Variants in ZNF112 observed in about 807,000 individuals in gnomAD.
The protein encoded by ZNF112 is zinc finger protein 112 (Y14).
Under a neutral mutation model 77.7 loss-of-function variants are expected in ZNF112, and 37 were observed. That is an observed-to-expected ratio of 0.48 (90% CI 0.37 to 0.63). The LOEUF is 0.63. Among genes scored for constraint, ZNF112 ranks in the 20% least tolerant of loss-of-function variants. The pLI, the probability that ZNF112 is intolerant of heterozygous loss-of-function variation, is 0.00. For synonymous variants in ZNF112, 333 were observed against 363.6 expected (o/e 0.92, Z 0.96); for missense variants, 950 against 1,077.4 (o/e 0.88, Z 1.66).
At chr19:44,347,346 T>A (rs1471050763) in intron 1 of ZNF112, among the ~76,000 whole-genome samples, 2 of 152,108 alleles carry the variant, frequency 1.3e-5, no homozygotes, top group Non-Finnish European at 2.9e-5. Context: ...ATATTTTAAT[T>A]GATGTATTCA....
chr19:44,359,624 C>T (rs59686367), upstream of ZNF112, among the ~76,000 whole-genome samples: 447 of 152,202 alleles, frequency 2.9e-3, no homozygotes, highest in African/African-American at 0.01. Flanking sequence ...ATGTGGCCTA[C>T]AGTTCTTTTT....
chr19:44,357,639 C>T (rs1308173896), upstream of ZNF112, among the ~76,000 whole-genome samples: 3 of 152,174 alleles, frequency 2.0e-5, no homozygotes, highest in Admixed American at 2.0e-4. Context: ...CACGTTTCCT[C>T]TGCTTTAACT....
At chr19:44,335,399 G>A (rs933775642) in intron 3 of ZNF112, among the ~76,000 whole-genome samples, 10 of 152,046 alleles carry the variant, frequency 6.6e-5, no homozygotes, top group East Asian at 1.9e-4. Context: ...CCAAGGTAAC[G>A]GCAAAGAAGA....
chr19:44,333,288 T>C (rs1030240754), intron 3 of ZNF112, among the ~76,000 whole-genome samples: 1 of 152,208 alleles, frequency 6.6e-6, no homozygotes, highest in African/African-American at 2.4e-5. Flanking sequence ...TCTTCTTTAA[T>C]AAAAGCTAAG....
At chr19:44,337,007 A>C (rs1054686177) in intron 2 of ZNF112, among the ~76,000 whole-genome samples, 8 of 151,664 alleles carry the variant, frequency 5.3e-5, no homozygotes, top group African/African-American at 1.9e-4. Flanking sequence ...CCTCCAGAGT[A>C]GCCGGGACCA....
At chr19:44,338,079 A>T (rs1970422052) in intron 2 of ZNF112, among the ~76,000 whole-genome samples, 1 of 152,156 alleles carries the variant, frequency 6.6e-6, no homozygotes, top group Admixed American at 6.5e-5. Flanking sequence ...GCTCAAAAAA[A>T]AAATTGGGGA....
chr19:44,329,913 C>T lies in ZNF112; in HGVS notation c.244G>A (p.Glu82Lys). Reference sequence around the variant, plus strand: ...CTTACTGTTACTTCCTGAATACTCTCCATCTTTTGTTGATTCTTCCTTCCT... The same window carrying T: ...CTTACTGTTACTTCCTGAATACTCTTCATCTTTTGTTGATTCTTCCTTCCT... Reference protein sequence around the residue: ...CSGRKNQQKMESIQEVTVSYF... With the variant: ...CSGRKNQQKMKSIQEVTVSYF... Residue 82 changes from glutamate (E) to lysine (K), a missense_variant, in exon 4 of 4, where the codon GAG (glutamate) becomes AAG (lysine). Coordinates refer to ENST00000354340, the MANE Select transcript of ZNF112 (RefSeq NM_013380.4). The T allele has an allele frequency of 6.2e-7, 1 of 1,611,768 alleles. No individual in the cohort carries two copies. The highest frequency in any genetic ancestry group is 8.5e-7 in the Non-Finnish European group (1 of 1,178,592).
chr19:44,363,401 T>C (rs1323719110), intron 1 of ZNF112, among the ~76,000 whole-genome samples: 3 of 152,206 alleles, frequency 2.0e-5, no homozygotes, highest in African/African-American at 7.2e-5. Flanking sequence ...TACTTATCCA[T>C]CAGAACATTA....
chr19:44,360,722 C>T (rs970767365), upstream of ZNF112, among the ~76,000 whole-genome samples: 24 of 152,290 alleles, frequency 1.6e-4, no homozygotes, highest in African/African-American at 5.8e-4. Flanking sequence ...ATATTCAATA[C>T]ATGTTGCTGT....
chr19:44,328,649 C>T lies in ZNF112; in HGVS notation c.1508G>A (p.Ser503Asn). ...RKEHGNGFNW[S>N]SKLKDHQRVH... ...TCTCTGATGATCTTTAAGTTTTGAG[C>T]TCCAGTTGAAGCCATTCCCATGCTC... The change falls in exon 4 of 4, where the codon AGC (serine) becomes AAC (asparagine). Residue 503 changes from serine (S) to asparagine (N), a missense_variant. Coordinates refer to ENST00000354340, the MANE Select transcript of ZNF112 (RefSeq NM_013380.4). 1.9e-6 allele frequency: 3 copies of T among 1,614,114 alleles called. No homozygotes were observed. The highest frequency in any genetic ancestry group is 2.5e-6 in the Non-Finnish European group (3 of 1,180,004).
At chr19:44,349,482 T>C (rs1339916307) in intron 1 of ZNF112, among the ~76,000 whole-genome samples, 1 of 152,100 alleles carries the variant, frequency 6.6e-6, no homozygotes, top group Non-Finnish European at 1.5e-5. Context: ...TCCTATGCAG[T>C]GACAACGTAT....
chr19:44,359,315 C>CTTTTTTTTTTTTTTTTTTTTT (rs767955186), upstream of ZNF112, among the ~76,000 whole-genome samples: 2 of 54,858 alleles, frequency 3.6e-5, no homozygotes, highest in Admixed American at 2.5e-4. Context: ...TATTAGAGTT[C>CTTTTTTTTTTTTTTTTTTTTT]TTTTTTTTTT....
chr19:44,341,630 C>T (rs1057027676), intron 1 of ZNF112, among the ~76,000 whole-genome samples: 1 of 152,188 alleles, frequency 6.6e-6, no homozygotes, highest in Non-Finnish European at 1.5e-5. Flanking sequence ...TTCTCACAAA[C>T]TTATTGGTAA....
chr19:44,346,508 G>C (rs1203017962), intron 1 of ZNF112, among the ~76,000 whole-genome samples: 1 of 152,108 alleles, frequency 6.6e-6, no homozygotes, highest in African/African-American at 2.4e-5. Context: ...TAACCATATA[G>C]GTGTACATCA....
intron 3 of ZNF112, among the ~76,000 whole-genome samples, chr19:44,334,614 G>C (rs1017592884): frequency 6.6e-6 from 1 of 152,256 alleles, no homozygotes; most frequent in African/African-American, 2.4e-5. Flanking sequence ...GGGCCCTGCT[G>C]TTTTCTACAG....
At chr19:44,355,189 A>G (rs1003702314) in intron 1 of ZNF112, among the ~76,000 whole-genome samples, 1 of 152,216 alleles carries the variant, frequency 6.6e-6, no homozygotes, top group African/African-American at 2.4e-5. Context: ...ACAAATTTCC[A>G]TAGTAAAAAC....
chr19:44,337,181 T>C (rs1331950095), intron 2 of ZNF112, among the ~76,000 whole-genome samples: 2 of 148,060 alleles, frequency 1.4e-5, no homozygotes, highest in African/African-American at 4.9e-5. Context: ...ATTATTTTCA[T>C]TAAACCTTCC....
intron 1 of ZNF112, among the ~76,000 whole-genome samples, chr19:44,352,678 A>T (rs1397704916): frequency 1.3e-5 from 2 of 152,146 alleles, no homozygotes; most frequent in African/African-American, 4.8e-5. Flanking sequence ...CACAAAAATC[A>T]GGTGTATTTC....
At chr19:44,356,323 G>T (rs572913258) in intron 1 of ZNF112, among the ~76,000 whole-genome samples, 9 of 149,290 alleles carry the variant, frequency 6.0e-5, no homozygotes, top group African/African-American at 2.3e-4. Flanking sequence ...TAAGATACTC[G>T]CCTGTTATTA....
Sources: gnomAD v4.1 joint callset for allele counts (sites outside exome capture counted in the v4.1 genomes callset) on GRCh38, gnomAD v4.1.1 for gene constraint, MANE v1.5 for transcripts, NCBI Gene and HGNC (gene_info 2026-07-23, HGNC 2026-07-21) for gene names.